Variants in COMMD10 observed in about 807,000 individuals in gnomAD.
The protein encoded by COMMD10 is COMM domain-containing protein 10.
In COMMD10, 33 loss-of-function variants were observed where a neutral mutation model predicts 28.9. The ratio of observed to expected loss-of-function variants is 1.14; its 90% CI spans 0.87 to 1.53. The LOEUF is 1.53. Among genes scored for constraint, COMMD10 ranks in the 40% most tolerant of loss-of-function variants. COMMD10 has a pLI of 0.00. For synonymous variants in COMMD10, 110 were observed against 81.7 expected (o/e 1.35, Z -1.87); for missense variants, 310 against 233.4 (o/e 1.33, Z -2.14).
chr5:116,212,511 T>TGG (rs1748992896), intron 5 of COMMD10, among the ~76,000 whole-genome samples: 1 of 147,920 alleles, frequency 6.8e-6, no homozygotes, highest in East Asian at 2.0e-4. Flanking sequence ...TGTGTGTGTG[T>TGG]GTGTGTGTGT....
chr5:116,091,255 T>C (rs1357305702), intron 3 of COMMD10, 66 bp downstream of exon 3: 1 of 705,418 alleles, frequency 1.4e-6, no homozygotes, highest in African/African-American at 1.8e-5. Context: ...TGTTATGATA[T>C]CTATGACATT....
At chr5:116,101,921 T>C (rs1750677668) in intron 4 of COMMD10, among the ~76,000 whole-genome samples, 3 of 152,180 alleles carry the variant, frequency 2.0e-5, no homozygotes, top group Admixed American at 2.0e-4. Context: ...TTGTTGTTGT[T>C]GTTCAGTTGT....
At chr5:116,163,568 A>T (rs1752992662) in intron 5 of COMMD10, among the ~76,000 whole-genome samples, 1 of 152,084 alleles carries the variant, frequency 6.6e-6, no homozygotes, top group African/African-American at 2.4e-5. Context: ...CAGCCTGGGC[A>T]ACAATAGCAA....
chr5:116,239,019 T>G, intron 5 of COMMD10, among the ~76,000 whole-genome samples: 1 of 152,226 alleles, frequency 6.6e-6, no homozygotes, highest in East Asian at 1.9e-4. Flanking sequence ...CAAGTTGATT[T>G]TTTTTTAAAG....
chr5:116,234,222 A>G (rs372426369), intron 5 of COMMD10, among the ~76,000 whole-genome samples: 1 of 152,266 alleles, frequency 6.6e-6, no homozygotes, highest in African/African-American at 2.4e-5. Context: ...CATCAGAGTA[A>G]TACAATGAAA....
At chr5:116,259,810 G>T (rs565102061) in intron 5 of COMMD10, among the ~76,000 whole-genome samples, 2 of 151,580 alleles carry the variant, frequency 1.3e-5, no homozygotes, top group East Asian at 3.9e-4. Flanking sequence ...TCTAATCTGG[G>T]ACTCTCCATA....
At chr5:116,232,473 G>T (rs1414557829) in intron 5 of COMMD10, among the ~76,000 whole-genome samples, 1 of 152,040 alleles carries the variant, frequency 6.6e-6, no homozygotes, top group Non-Finnish European at 1.5e-5. Flanking sequence ...AAGGACCTCG[G>T]CATAAGTGTT....
In COMMD10 at chr5:116,120,604, C is replaced by G. The variant is rs527337829; in HGVS notation, c.400-13464C>G. Among the ~76,000 whole-genome samples, 3 of 152,244 alleles carry G rather than the reference C, an allele frequency of 2.0e-5. No homozygotes were observed. In the East Asian group the frequency reaches 5.8e-4, roughly 29 times the overall value. ...ACTGCCCTAACCTAGCCCCAAGCAA[C>G]CCCTGCTCTACATTCTGTCACTATA... On this transcript the variant is annotated intron_variant, in intron 4 of 6. Transcript: ENST00000274458.
chr5:116,271,922 T>C (rs770322439), intron 5 of COMMD10, among the ~76,000 whole-genome samples: 17 of 151,910 alleles, frequency 1.1e-4, no homozygotes, highest in Non-Finnish European at 2.1e-4. Flanking sequence ...CTCAGTTTTA[T>C]ATTTGTTAGC....
intron 4 of COMMD10, among the ~76,000 whole-genome samples, chr5:116,116,586 A>G (rs1751239252): frequency 6.6e-6 from 1 of 152,248 alleles, no homozygotes; most frequent in Non-Finnish European, 1.5e-5. Context: ...TATGTTATGT[A>G]AAAGGCATAG....
chr5:116,265,803 G>C (rs1001014), intron 5 of COMMD10, among the ~76,000 whole-genome samples: 16,883 of 151,710 alleles, frequency 0.11, 1,562 homozygotes, highest in African/African-American at 0.23. Context: ...CCAGTGATTT[G>C]AGAAGACTGG....
intron 5 of COMMD10, among the ~76,000 whole-genome samples, chr5:116,236,522 AAAG>A (rs1242599848): frequency 1.3e-5 from 2 of 151,740 alleles, no homozygotes; most frequent in Non-Finnish European, 1.5e-5. Flanking sequence ...AAAAAAAAAA[AAAG>A]AAGTGATCCG....
chr5:116,142,141 C>G (rs1752214148), intron 5 of COMMD10, among the ~76,000 whole-genome samples: 1 of 151,780 alleles, frequency 6.6e-6, no homozygotes, highest in African/African-American at 2.4e-5. Flanking sequence ...AACTTTTTCT[C>G]CAGTCTGATT....
Position 116,101,743 on chromosome 5 carries a change from C to T in COMMD10, c.399+9043C>T, listed in dbSNP as rs991353625. Among the ~76,000 whole-genome samples the T allele has an allele frequency of 2.0e-5, 3 of 152,240 alleles. No homozygotes were observed. The East Asian group carries it at 5.8e-4, about 29-fold the overall frequency. ...CCGGACTTTCTTCACTTTTTAATAG[C>T]CATTCTGACTAGGGTAAGATGATAG... is the stretch of plus-strand genomic sequence containing the variant. On this transcript the variant is annotated intron_variant, in intron 4 of 6. Coordinates refer to ENST00000274458, the MANE Select transcript of COMMD10 (RefSeq NM_016144.4).
intron 5 of COMMD10, among the ~76,000 whole-genome samples, chr5:116,221,985 G>T (rs898954890): frequency 1.3e-5 from 2 of 152,150 alleles, no homozygotes; most frequent in Admixed American, 1.3e-4. Flanking sequence ...GTCAATGTCC[G>T]CATCTTCTTT....
chr5:116,092,793 A>C, intron 4 of COMMD10, 93 bp downstream of exon 4: 1 of 942,762 alleles, frequency 1.1e-6, no homozygotes, highest in Non-Finnish European at 1.5e-6. Context: ...TATTTTGTTG[A>C]GAGGTAGAGT....
At chr5:116,285,806 TAC>T (rs1751204587) in intron 5 of COMMD10, among the ~76,000 whole-genome samples, 1 of 151,842 alleles carries the variant, frequency 6.6e-6, no homozygotes, top group Admixed American at 6.6e-5. Context: ...CGTCAATACT[TAC>T]GGATATTGGT....
intron 4 of COMMD10, among the ~76,000 whole-genome samples, chr5:116,119,823 C>G (rs1280228133): frequency 1.3e-5 from 2 of 152,006 alleles, no homozygotes; most frequent in Admixed American, 6.6e-5. Flanking sequence ...GCCATTTTGC[C>G]CAGGCTGGTC....
intron 5 of COMMD10, among the ~76,000 whole-genome samples, chr5:116,243,770 G>A (rs1168721848): frequency 6.6e-6 from 1 of 152,156 alleles, no homozygotes; most frequent in South Asian, 2.1e-4. Flanking sequence ...CAGAACATCT[G>A]AGAGGCACTA....
Sources: gnomAD v4.1 joint callset for allele counts (sites outside exome capture counted in the v4.1 genomes callset) on GRCh38, gnomAD v4.1.1 for gene constraint, MANE v1.5 for transcripts, NCBI Gene and HGNC (gene_info 2026-07-23, HGNC 2026-07-21) for gene names.